MAD1L1: variants seen among roughly 807,000 people sequenced by gnomAD.
MAD1L1 encodes the protein mitotic arrest deficient 1 like 1, also known as mitotic spindle assembly checkpoint protein MAD1.
A neutral mutation model predicts 96.9 loss-of-function variants in MAD1L1; 95 were observed. The ratio of observed to expected loss-of-function variants is 0.98; its 90% CI spans 0.83 to 1.16. The LOEUF is 1.16. MAD1L1 is among the 50% of genes most tolerant of loss of function. MAD1L1 has a pLI of 0.00. For synonymous variants in MAD1L1, 473 were observed against 396.6 expected, an observed-to-expected ratio of 1.19 and a Z score of -2.29; for missense variants, 1,007 against 954.4, an observed-to-expected ratio of 1.06 and a Z score of -0.73.
chr7:1,929,627 C>A (rs1789313356), intron 17 of MAD1L1, among the ~76,000 whole-genome samples: 1 of 152,078 alleles, frequency 6.6e-6, no homozygotes, highest in African/African-American at 2.4e-5. Flanking sequence ...GACCGGAGGT[C>A]TGGGGCCCAC....
chr7:2,056,590 T>C (rs1411898986), intron 12 of MAD1L1, among the ~76,000 whole-genome samples: 1 of 152,104 alleles, frequency 6.6e-6, no homozygotes, highest in Non-Finnish European at 1.5e-5. Flanking sequence ...ACCCAGGAGA[T>C]ACCCACGTGA....
At chr7:1,876,464 T>C (rs928626333) in intron 18 of MAD1L1, among the ~76,000 whole-genome samples, 1 of 151,660 alleles carries the variant, frequency 6.6e-6, no homozygotes, top group African/African-American at 2.4e-5. Context: ...TAGGGCTTTA[T>C]GGAGTCACCA....
At chr7:1,819,535 C>T (rs1782015835) in intron 18 of MAD1L1, among the ~76,000 whole-genome samples, 2 of 152,210 alleles carry the variant, frequency 1.3e-5, no homozygotes, top group Non-Finnish European at 2.9e-5. Flanking sequence ...TGCAGCATGT[C>T]CGTGGAACAC....
At chr7:1,926,916 G>A (rs2128458863) in intron 17 of MAD1L1, among the ~76,000 whole-genome samples, 1 of 152,236 alleles carries the variant, frequency 6.6e-6, no homozygotes, top group Non-Finnish European at 1.5e-5. Context: ...AAGACATATG[G>A]ATCTTAACAA....
intron 10 of MAD1L1, among the ~76,000 whole-genome samples, chr7:2,160,465 T>G (rs1239800625): frequency 6.6e-6 from 1 of 150,738 alleles, no homozygotes; most frequent in Non-Finnish European, 1.5e-5. Context: ...CCCGAGGGGC[T>G]GGGACTACAG....
intron 11 of MAD1L1, among the ~76,000 whole-genome samples, chr7:2,091,515 C>T (rs1299843443): frequency 6.6e-6 from 1 of 152,244 alleles, no homozygotes; most frequent in African/African-American, 2.4e-5. Flanking sequence ...GTAGCTCACG[C>T]CTATGATCCC....
intron 10 of MAD1L1, among the ~76,000 whole-genome samples, chr7:2,162,667 C>T (rs1348261566): frequency 8.3e-6 from 1 of 119,976 alleles, no homozygotes; most frequent in Non-Finnish European, 1.7e-5. Flanking sequence ...AAGAGGAAAA[C>T]ACAAAGAATA....
Position 1,841,131 on chromosome 7 carries a change from G to A in MAD1L1, c.1999-24903C>T, listed in dbSNP as rs184352423. ...TGGGGGTCCTGTTGGGCCTGAGCAC[G>A]TCCCGATAACCTGGCTGCTGCCCAC... On this transcript the variant is annotated intron_variant, in intron 18 of 18. Transcript: ENST00000265854. Among the ~76,000 whole-genome samples, 1,401 of 152,338 alleles carry A rather than the reference G, an allele frequency of 9.2e-3. 16 individuals are homozygous for A. The highest frequency in any genetic ancestry group is 0.032 in the African/African-American group (1,324 of 41,560).
chr7:2,152,199 G>A (rs1016016849), intron 10 of MAD1L1, among the ~76,000 whole-genome samples: 6 of 152,186 alleles, frequency 3.9e-5, no homozygotes, highest in African/African-American at 1.4e-4. Context: ...TCTCAGCCTG[G>A]ATACTTGCTG....
At chr7:2,071,870 C>T (rs979913102) in intron 11 of MAD1L1, among the ~76,000 whole-genome samples, 20 of 152,180 alleles carry the variant, frequency 1.3e-4, no homozygotes, top group African/African-American at 4.1e-4. Context: ...AGGCTTCTCA[C>T]GGGAACTGGG....
At chr7:1,843,657 A>G (rs1783412657) in intron 18 of MAD1L1, among the ~76,000 whole-genome samples, 1 of 152,244 alleles carries the variant, frequency 6.6e-6, no homozygotes, top group South Asian at 2.1e-4. Context: ...CGAAGGAGTC[A>G]GAAACCAAGG....
intron 17 of MAD1L1, 82 bp from the exon 18 acceptor site, chr7:1,898,472 A>T: frequency 9.5e-6 from 12 of 1,267,972 alleles, no homozygotes; most frequent in Non-Finnish European, 1.3e-5. Context: ...GGCAGGGAGG[A>T]AGCCGAGTAC....
At chr7:2,046,264 G>A (rs1438198860) in intron 12 of MAD1L1, among the ~76,000 whole-genome samples, 4 of 152,164 alleles carry the variant, frequency 2.6e-5, no homozygotes, top group African/African-American at 9.7e-5. Flanking sequence ...TCAGCTGGAC[G>A]GCAGCGCAGG....
At chr7:1,949,335 G>GC (rs1210626236) in intron 16 of MAD1L1, among the ~76,000 whole-genome samples, 1 of 152,204 alleles carries the variant, frequency 6.6e-6, no homozygotes, top group Non-Finnish European at 1.5e-5. Context: ...CGCAAGCATC[G>GC]CCCGGGGGGA....
intron 17 of MAD1L1, among the ~76,000 whole-genome samples, chr7:1,898,729 C>T (rs973274231): frequency 1.3e-5 from 2 of 152,226 alleles, no homozygotes; most frequent in South Asian, 2.1e-4. Flanking sequence ...CCAGCACAGT[C>T]ACTGCCAGGA....
At chr7:2,001,648 A>G (rs1781798554) in intron 14 of MAD1L1, among the ~76,000 whole-genome samples, 1 of 152,234 alleles carries the variant, frequency 6.6e-6, no homozygotes, top group Non-Finnish European at 1.5e-5. Context: ...GTGGCGCCCA[A>G]GCCCCGGCTG....
intron 17 of MAD1L1, among the ~76,000 whole-genome samples, chr7:1,931,004 C>T (rs753439246): frequency 2.0e-5 from 3 of 151,198 alleles, no homozygotes; most frequent in Admixed American, 6.6e-5. Context: ...GTCACAGGAG[C>T]GAGGGCGCGT....
intron 14 of MAD1L1, among the ~76,000 whole-genome samples, chr7:1,996,116 C>T (rs1781541824): frequency 6.7e-6 from 1 of 149,152 alleles, no homozygotes; most frequent in Non-Finnish European, 1.5e-5. Flanking sequence ...CCGTGTGTGC[C>T]GGGCCCTGCC....
At chr7:2,003,096 G>C (rs985337429) in intron 13 of MAD1L1, among the ~76,000 whole-genome samples, 1 of 2,592 alleles carries the variant, frequency 3.9e-4, no homozygotes, top group Non-Finnish European at 9.4e-4. Context: ...CAGCCCAGGA[G>C]TGAGGCAGGT....
Sources: allele counts gnomAD v4.1 joint callset (sites outside exome capture counted in the v4.1 genomes callset), GRCh38; gene constraint gnomAD v4.1.1; transcripts MANE v1.5; gene names NCBI Gene and HGNC (gene_info 2026-07-23, HGNC 2026-07-21).